CDH13: variants seen among roughly 807,000 people sequenced by gnomAD.
CDH13 encodes cadherin 13, also known as cadherin-13.
Under a neutral mutation model 63.8 loss-of-function variants are expected in CDH13, and 24 were observed. The observed-to-expected ratio is 0.38, with a 90% CI of 0.27 to 0.53. The LOEUF (loss-of-function observed/expected upper bound fraction) is 0.53, where lower values mean the gene tolerates loss of function less well. Ranked by LOEUF, CDH13 falls within the 20% of genes least tolerant of loss-of-function variation. CDH13 has a pLI of 0.85. For missense variants in CDH13, 1,049 were observed against 903.1 expected, an observed-to-expected ratio of 1.16 and a Z score of -2.07; for synonymous variants, 503 against 355.3, an observed-to-expected ratio of 1.42 and a Z score of -4.67.
At chr16:82,672,617 C>A (rs1420640564) in intron 1 of CDH13, among the ~76,000 whole-genome samples, 2 of 152,110 alleles carry the variant, frequency 1.3e-5, no homozygotes. Flanking sequence ...TCTAGGTGAT[C>A]AGTCACCAAC....
chr16:83,120,566 T>A (rs1305941455), intron 3 of CDH13, among the ~76,000 whole-genome samples: 16 of 152,124 alleles, frequency 1.1e-4, no homozygotes, highest in Admixed American at 1.0e-3. Flanking sequence ...CTGCACAAAG[T>A]TTACGTCTTT....
chr16:82,749,440 C>T (rs922067303), intron 1 of CDH13, among the ~76,000 whole-genome samples: 7 of 152,246 alleles, frequency 4.6e-5, no homozygotes, highest in Admixed American at 2.0e-4. Context: ...AGGAGTGGGG[C>T]AGGAAAACCC....
intron 4 of CDH13, among the ~76,000 whole-genome samples, chr16:83,192,073 C>A (rs928045111): frequency 6.6e-6 from 1 of 152,172 alleles, no homozygotes; most frequent in African/African-American, 2.4e-5. Flanking sequence ...CACGGATACT[C>A]GGTCACTATT....
chr16:83,053,214 G>A (rs1045816749), intron 3 of CDH13, among the ~76,000 whole-genome samples: 6 of 152,130 alleles, frequency 3.9e-5, no homozygotes, highest in African/African-American at 1.2e-4. Context: ...GGTATTCATT[G>A]TTAAAATGCC....
At chr16:83,727,496 C>A (rs1910547998) in intron 10 of CDH13, among the ~76,000 whole-genome samples, 1 of 151,544 alleles carries the variant, frequency 6.6e-6, no homozygotes, top group African/African-American at 2.4e-5. Flanking sequence ...TTATTTAGTG[C>A]ACACCTATCC....
chr16:82,998,649 T>C (rs1912515938), intron 2 of CDH13, among the ~76,000 whole-genome samples: 1 of 152,206 alleles, frequency 6.6e-6, no homozygotes, highest in East Asian at 1.9e-4. Flanking sequence ...TCTCCTCTGC[T>C]ATGAATTAGC....
At chr16:82,703,698 A>T (rs2031244634) in intron 1 of CDH13, among the ~76,000 whole-genome samples, 3 of 152,170 alleles carry the variant, frequency 2.0e-5, no homozygotes, top group Admixed American at 2.0e-4. Context: ...TCTATACTTC[A>T]CAAAAATGAG....
chr16:82,729,457 C>T (rs1032586550), intron 1 of CDH13, among the ~76,000 whole-genome samples: 1 of 152,010 alleles, frequency 6.6e-6, no homozygotes, highest in Non-Finnish European at 1.5e-5. Context: ...TGACCAGCTG[C>T]ATTGTCAATA....
chr16:82,992,555 G>T (rs574101277), intron 2 of CDH13, among the ~76,000 whole-genome samples: 48 of 152,292 alleles, frequency 3.2e-4, no homozygotes, highest in African/African-American at 4.6e-4. Flanking sequence ...GAATTCTGCA[G>T]TGTTCTGGAA....
At chr16:83,169,357 A>T (rs2037824420) in intron 4 of CDH13, among the ~76,000 whole-genome samples, 1 of 151,828 alleles carries the variant, frequency 6.6e-6, no homozygotes, top group Non-Finnish European at 1.5e-5. Context: ...TTGTATTTTT[A>T]GTAGAGACAG....
rs574428464 is a variant in CDH13 at position 83,154,817 on chromosome 16, G to T, written c.483+29316G>T. On this transcript the variant is annotated intron_variant, in intron 4 of 13. Transcript: ENST00000567109. Reference sequence around the variant, plus strand: ...CAGGTGTGTTCTATATTTTCTGTAAGACCTGCAAGTAAATGTTAAATGATG... The same window carrying T: ...CAGGTGTGTTCTATATTTTCTGTAATACCTGCAAGTAAATGTTAAATGATG... Among the ~76,000 whole-genome samples the T allele has an allele frequency of 1.6e-3, 250 of 152,238 alleles. 2 individuals carry two copies. Among genetic ancestry groups the T allele is most frequent in the African/African-American group, 5.8e-3 (240 of 41,542 alleles).
At chr16:83,436,653 C>T (rs1318287331) in intron 6 of CDH13, among the ~76,000 whole-genome samples, 1 of 152,334 alleles carries the variant, frequency 6.6e-6, no homozygotes, top group Admixed American at 6.5e-5. Flanking sequence ...CCTTTTAATG[C>T]CTATGCAGCC....
chr16:83,602,508 C>T lies in CDH13; in HGVS notation c.1015C>T (p.Leu339=), dbSNP rs374738830. 6.2e-7 allele frequency: 1 copy of T among 1,613,468 alleles called. No homozygotes were observed. Among genetic ancestry groups the T allele is most frequent in the African/African-American group, 1.3e-5 (1 of 74,908 alleles). Residue 339 remains leucine, a synonymous_variant, in exon 8 of 14, where the codon CTG becomes TTG. Transcript: ENST00000567109. ...LIIEAQDMAG[L]DVGLTGTATA... ...CATCGAGGCTCAAGATATGGCTGGACTGGATGTTGGATTAACAGGCACGGC... is the reference window on the plus strand; with the variant it reads ...CATCGAGGCTCAAGATATGGCTGGATTGGATGTTGGATTAACAGGCACGGC...
chr16:83,210,242 T>C (rs1410072341), intron 4 of CDH13, among the ~76,000 whole-genome samples: 2 of 151,936 alleles, frequency 1.3e-5, no homozygotes, highest in Non-Finnish European at 2.9e-5. Flanking sequence ...TTTTTGTATT[T>C]TCAGTAGAGA....
intron 3 of CDH13, among the ~76,000 whole-genome samples, chr16:83,063,467 A>C (rs2031751647): frequency 6.6e-6 from 1 of 152,196 alleles, no homozygotes; most frequent in African/African-American, 2.4e-5. Flanking sequence ...CCATTTTCAA[A>C]CCACCCCGCA....
chr16:82,713,356 T>A (rs894933765), intron 1 of CDH13, among the ~76,000 whole-genome samples: 2 of 152,094 alleles, frequency 1.3e-5, no homozygotes, highest in African/African-American at 4.8e-5. Flanking sequence ...CCATCAAGCC[T>A]GATTTGAAGT....
chr16:82,820,333 G>A (rs1738456808), intron 1 of CDH13, among the ~76,000 whole-genome samples: 1 of 152,202 alleles, frequency 6.6e-6, no homozygotes, highest in South Asian at 2.1e-4. Flanking sequence ...TATATGTGGT[G>A]CCCTGGTAAT....
intron 3 of CDH13, among the ~76,000 whole-genome samples, chr16:83,114,087 A>G (rs951945498): frequency 7.9e-5 from 12 of 152,222 alleles, no homozygotes; most frequent in African/African-American, 2.9e-4. Context: ...TTATTTGGGC[A>G]AAGCAGTTTA....
At chr16:83,091,353 G>T (rs1295374880) in intron 3 of CDH13, among the ~76,000 whole-genome samples, 1 of 152,162 alleles carries the variant, frequency 6.6e-6, no homozygotes, top group Non-Finnish European at 1.5e-5. Context: ...GTCAGTAGTA[G>T]GAGGCATATT....
Sources: allele counts gnomAD v4.1 joint callset (sites outside exome capture counted in the v4.1 genomes callset), GRCh38; gene constraint gnomAD v4.1.1; transcripts MANE v1.5; gene names NCBI Gene and HGNC (gene_info 2026-07-23, HGNC 2026-07-21).